The following STAT2 variants were observed in gnomAD, a reference collection of about 807,000 sequenced individuals.
STAT2 encodes the protein signal transducer and activator of transcription 2.
In STAT2, 51 loss-of-function variants were observed where a neutral mutation model predicts 122.3. That is an observed-to-expected ratio of 0.42 (90% CI 0.33 to 0.53). The LOEUF is 0.53. Ranked by LOEUF, STAT2 falls within the 20% of genes least tolerant of loss-of-function variation. STAT2 has a pLI of 0.10. For missense variants in STAT2, 736 were observed against 1,010.3 expected, an observed-to-expected ratio of 0.73 and a Z score of 3.68; for synonymous variants, 351 against 394.9, an observed-to-expected ratio of 0.89 and a Z score of 1.32.
rs746061720 is a variant in STAT2, at chr12:56,346,857, C to A, written c.1823G>T (p.Gly608Val). ...CTCCACCCAGGAGCAGGTAATGCCCCCTTCTGACGATTCACTGAAGCGCAG... is the reference window on the plus strand; with the variant it reads ...CTCCACCCAGGAGCAGGTAATGCCCACTTCTGACGATTCACTGAAGCGCAG... ...FLLRFSESSE[G>V]GITCSWVEHQ... Residue 608 changes from glycine (G) to valine (V), a missense_variant, in exon 20 of 24, where the codon GGG becomes GTG. Coordinates refer to ENST00000314128, the MANE Select transcript of STAT2 (RefSeq NM_005419.4). 1.1e-5 allele frequency: 17 copies of A among 1,614,058 alleles called. No homozygotes were observed. The highest frequency in any genetic ancestry group is 1.4e-5 in the Non-Finnish European group (17 of 1,180,040).
intron 13 of STAT2, 107 bp downstream of exon 13, chr12:56,349,990 T>C: frequency 2.0e-6 from 2 of 1,004,790 alleles, no homozygotes; most frequent in Non-Finnish European, 3.0e-6. Context: ...CGGAGGTTGC[T>C]GTGAGCCAAG....
intron 8 of STAT2, among the ~76,000 whole-genome samples, chr12:56,353,082 CA>C (rs1182160937): frequency 6.6e-6 from 1 of 151,720 alleles, no homozygotes; most frequent in African/African-American, 2.4e-5. Context: ...CTCCCGAGTT[CA>C]AGTGATTTTC....
At position 56,349,477 on chromosome 12, in the gene STAT2, G is replaced by C. The variant is rs753079503; in HGVS notation, c.1290C>G (p.Ile430Met). The change falls in exon 15 of 24, where the codon ATC becomes ATG. Residue 430 changes from isoleucine to methionine, a missense_variant. Coordinates refer to ENST00000314128, the MANE Select transcript of STAT2 (RefSeq NM_005419.4). The part of the protein sequence containing the change: ...GPLGVTEELH[I>M]ISFTVKYTYQ... ...AGGTATATTTGACCGTGAAGCTGATGATGTGCAGTTCCTCTGTCACACCTA... is the reference window on the plus strand; with the variant it reads ...AGGTATATTTGACCGTGAAGCTGATCATGTGCAGTTCCTCTGTCACACCTA... The C allele has an allele frequency of 6.2e-7, 1 of 1,614,174 alleles. No individual in the cohort carries two copies. Among genetic ancestry groups the C allele is most frequent in the Admixed American group, 1.7e-5 (1 of 60,022 alleles).
At position 56,343,412 on chromosome 12, in the gene STAT2, G is replaced by C; in HGVS notation, c.2533C>G (p.Pro845Ala). Residue 845 changes from proline (P) to alanine (A), a missense_variant, in exon 24 of 24, where the codon CCC (proline) becomes GCC (alanine). Pro to Ala is a conservative substitution (Grantham distance 27). Coordinates refer to ENST00000314128, the MANE Select transcript of STAT2 (RefSeq NM_005419.4). The stretch of plus-strand genomic sequence containing the variant: ...TCCTAGAAGTCAGAAGGCATCAAGG[G>C]TCCATCAGTGTAGAAGTGGCTGGGG... ...SRPSHFYTDG[P>A]LMPSDF 6.2e-7 allele frequency: 1 copy of C among 1,614,144 alleles called. No individual in the cohort carries two copies. The highest frequency in any genetic ancestry group is 8.5e-7 in the Non-Finnish European group (1 of 1,179,976).
rs749980128 is a variant in STAT2 at position 56,355,455 on chromosome 12, C to T, written c.459G>A (p.Arg153=). Residue 153 remains arginine, a synonymous_variant, in exon 5 of 24, where the codon AGG becomes AGA. Coordinates refer to ENST00000314128, the MANE Select transcript of STAT2 (RefSeq NM_005419.4). ...HEIESRILDL[R]AMMEKLVKSI... ...CACATCTACTAACCTCCATCATAGCCCTTAAATCCAGGATCCGGGATTCAA... is the reference window on the plus strand; with the variant it reads ...CACATCTACTAACCTCCATCATAGCTCTTAAATCCAGGATCCGGGATTCAA... 2.5e-6 allele frequency: 4 copies of T among 1,614,050 alleles called. No individual in the cohort carries two copies. The African/African-American group carries it at 5.3e-5, about 22-fold the overall frequency.
At chr12:56,358,252 T>C (rs866353662) in intron 1 of STAT2, among the ~76,000 whole-genome samples, 29 of 151,022 alleles carry the variant, frequency 1.9e-4, no homozygotes, top group Middle Eastern at 3.4e-3. Flanking sequence ...CTTTTTTTTT[T>C]TTTCTTTTTT....
In STAT2 at chr12:56,343,301, T is replaced by C. The variant is rs1876841095; in HGVS notation, c.*88A>G. 2.0e-6 allele frequency: 3 copies of C among 1,536,900 alleles called. No homozygotes were observed. Among genetic ancestry groups the C allele is most frequent in the Non-Finnish European group, 1.8e-6 (2 of 1,133,800 alleles). On this transcript the variant is annotated 3_prime_UTR_variant, in exon 24 of 24. Transcript: ENST00000314128. ...GTTAACACAGCTTGGAAGGGACACA[T>C]GCCTGATTCCCATCCTTGGAGAACA...
At chr12:56,357,372 G>T (rs1879674326) in intron 1 of STAT2, among the ~76,000 whole-genome samples, 1 of 151,162 alleles carries the variant, frequency 6.6e-6, no homozygotes, top group Non-Finnish European at 1.5e-5. Flanking sequence ...ATGGAGTCTC[G>T]ATCTGTTGCC....
chr12:56,349,181 CA>C lies in STAT2; in HGVS notation c.1421del (p.Leu474CysfsTer44). ...IAWASVLWFN[L>X]LSPNLQNQQF... ...CCCCTACCTGAAGGTTTGGGCTGAG[CA>C]AATTGAACCAGAGAACTGAAGCCCA... is the stretch of plus-strand genomic sequence containing the variant. On this transcript the variant is annotated frameshift_variant, in exon 16 of 24. Transcript: ENST00000314128. LOFTEE classifies it high-confidence loss of function. 2.5e-6 allele frequency: 4 copies of C among 1,614,102 alleles called. No homozygotes were observed. Among genetic ancestry groups the C allele is most frequent in the Non-Finnish European group, 3.4e-6 (4 of 1,180,048 alleles).
At chr12:56,354,025 A>ATATATATATATATATATATATATATATG (rs1879084924) in intron 8 of STAT2, among the ~76,000 whole-genome samples, 1 of 68,646 alleles carries the variant, frequency 1.5e-5, no homozygotes, top group Non-Finnish European at 3.4e-5. Flanking sequence ...AAATATATAT[A>ATATATATATATATATATATATATATATG]TATATATATA....
intron 13 of STAT2, 47 bp from the exon 14 acceptor site, chr12:56,349,683 G>C (rs370688308): frequency 1.2e-6 from 2 of 1,613,348 alleles, no homozygotes; most frequent in African/African-American, 2.7e-5. Flanking sequence ...GGGCACCCTA[G>C]TGTCCCTGGA....
intron 19 of STAT2, 70 bp from the exon 20 acceptor site, chr12:56,347,025 C>G: frequency 6.3e-7 from 1 of 1,580,128 alleles, no homozygotes; most frequent in Non-Finnish European, 8.6e-7. Context: ...CCTCCCTGCT[C>G]CCCTTGTATG....
chr12:56,351,221 T>C (rs753554674), intron 9 of STAT2, 31 bp from the exon 10 acceptor site: 3 of 1,611,598 alleles, frequency 1.9e-6, no homozygotes, highest in African/African-American at 1.3e-5. Context: ...AGAGAATATA[T>C]AGCTCAGTAT....
In STAT2 at chr12:56,356,425, T is replaced by C. The variant is rs777815815; in HGVS notation, c.131+16A>G. ...GAACCACCTTTTTCATTCCCCCAAC[T>C]TCCTGAAGGCCTCACCAGTTCTGGT... On this transcript the variant is annotated intron_variant, in intron 2 of 23. Coordinates refer to ENST00000314128, the MANE Select transcript of STAT2 (RefSeq NM_005419.4). 9.9e-6 allele frequency: 16 copies of C among 1,612,030 alleles called. No homozygotes were observed. The East Asian group carries it at 1.3e-4, about 13-fold the overall frequency.
At position 56,349,574 on chromosome 12, in the gene STAT2, C is replaced by T; in HGVS notation, c.1257+15G>A. Reference sequence around the variant, plus strand: ...GCAAGCTCCCCCTGCCTCGAGTCCTCTGTCCAGATCTCACCTTATTGCTGC... The same window carrying T: ...GCAAGCTCCCCCTGCCTCGAGTCCTTTGTCCAGATCTCACCTTATTGCTGC... On this transcript the variant is annotated intron_variant, in intron 14 of 23. Transcript: ENST00000314128. The T allele has an allele frequency of 5.0e-6, 8 of 1,614,226 alleles. No homozygotes were observed. Among genetic ancestry groups the T allele is most frequent in the Admixed American group, 1.7e-5 (1 of 60,010 alleles).
chr12:56,357,115 C>A (rs1341314082), intron 1 of STAT2, among the ~76,000 whole-genome samples: 1 of 145,126 alleles, frequency 6.9e-6, no homozygotes, highest in Non-Finnish European at 1.5e-5. Flanking sequence ...TGGCTCATTG[C>A]AACCACCATC....
At chr12:56,358,011 A>C (rs981766359) in intron 1 of STAT2, among the ~76,000 whole-genome samples, 1 of 152,128 alleles carries the variant, frequency 6.6e-6, no homozygotes, top group African/African-American at 2.4e-5. Context: ...CCTAATGGTA[A>C]TTTTCAAATA....
At chr12:56,344,216 T>G (rs1877010530) in intron 22 of STAT2, 81 bp from the exon 23 acceptor site, 10 of 1,479,386 alleles carry the variant, frequency 6.8e-6, no homozygotes, top group Non-Finnish European at 9.0e-6. Context: ...CAGAAGCTAG[T>G]CTAAGAAGGC....
At chr12:56,353,960 C>T (rs148874097) in intron 8 of STAT2, among the ~76,000 whole-genome samples, 6,097 of 124,432 alleles carry the variant, frequency 0.049, 221 homozygotes, top group Non-Finnish European at 0.071. Flanking sequence ...CGTGCCACTG[C>T]GCTCCAGCCT....
Sources: allele counts gnomAD v4.1 joint callset (sites outside exome capture counted in the v4.1 genomes callset), GRCh38; gene constraint gnomAD v4.1.1; transcripts MANE v1.5; gene names NCBI Gene and HGNC (gene_info 2026-07-23, HGNC 2026-07-21).